The following NR1H4 variants were observed in gnomAD, a reference collection of about 807,000 sequenced individuals.
NR1H4 encodes the protein nuclear receptor subfamily 1 group H member 4.
Under a neutral mutation model 58.5 loss-of-function variants are expected in NR1H4, and 23 were observed. The observed-to-expected ratio is 0.39, with a 90% CI of 0.28 to 0.56. The LOEUF is 0.56. Ranked by LOEUF, NR1H4 falls within the 20% of genes least tolerant of loss-of-function variation. The pLI is 0.58. For synonymous variants in NR1H4, 214 were observed against 198.0 expected, an observed-to-expected ratio of 1.08 and a Z score of -0.68; for missense variants, 487 against 576.9, an observed-to-expected ratio of 0.84 and a Z score of 1.60.
intron 4 of NR1H4, among the ~76,000 whole-genome samples, chr12:100,514,645 A>G (rs1364054952): frequency 1.3e-5 from 2 of 152,154 alleles, no homozygotes; most frequent in African/African-American, 4.8e-5. Context: ...AATCACTGAG[A>G]GAGACTATTC....
At chr12:100,512,822 G>A (rs1251190321) in intron 4 of NR1H4, among the ~76,000 whole-genome samples, 2 of 152,278 alleles carry the variant, frequency 1.3e-5, no homozygotes, top group South Asian at 2.1e-4. Flanking sequence ...GAATCTTTCG[G>A]ATGGTGTGAC....
At chr12:100,561,151 C>G (rs928640119) in intron 9 of NR1H4, among the ~76,000 whole-genome samples, 10 of 151,656 alleles carry the variant, frequency 6.6e-5, no homozygotes, top group Non-Finnish European at 1.5e-4. Flanking sequence ...AATCCCAGCA[C>G]TTTGAGAGGC....
intron 9 of NR1H4, among the ~76,000 whole-genome samples, chr12:100,545,019 C>T (rs923326060): frequency 3.9e-5 from 6 of 152,100 alleles, no homozygotes; most frequent in Non-Finnish European, 1.5e-5. Context: ...CAATGTCTGC[C>T]ATATGAATTG....
intron 3 of NR1H4, among the ~76,000 whole-genome samples, chr12:100,509,257 G>A (rs575730812): frequency 7.9e-5 from 12 of 152,188 alleles, no homozygotes; most frequent in Admixed American, 1.3e-4. Context: ...ACAACACTTT[G>A]AAGAGTCAGA....
At chr12:100,543,799 T>G (rs1954993772) in intron 9 of NR1H4, among the ~76,000 whole-genome samples, 1 of 152,182 alleles carries the variant, frequency 6.6e-6, no homozygotes, top group African/African-American at 2.4e-5. Context: ...AGGCTGAATT[T>G]TCACATGTAT....
chr12:100,476,028 C>G (rs1183516102), intron 1 of NR1H4, among the ~76,000 whole-genome samples: 1 of 152,182 alleles, frequency 6.6e-6, no homozygotes, highest in African/African-American at 2.4e-5. Context: ...GCCACTGCGC[C>G]CAGCCAGGAG....
In NR1H4 at chr12:100,507,942, C is replaced by T. The variant is rs989573737; in HGVS notation, c.80-2836C>T. Among the ~76,000 whole-genome samples, 10 of 151,986 alleles carry T rather than the reference C, an allele frequency of 6.6e-5. No individual in the cohort carries two copies. The South Asian group carries it at 1.9e-3, about 28-fold the overall frequency. On this transcript the variant is annotated intron_variant, in intron 3 of 10. Transcript: ENST00000392986. ...TAGAAAAGCCCTAAATTCTAATGTT[C>T]ATAAACTATTAGTCATATACTTATG...
rs765052784 is a variant in NR1H4 at position 100,483,523 on chromosome 12, A to G, written c.-189-8980A>G. Among the ~76,000 whole-genome samples, 76 of 152,294 alleles carry G rather than the reference A, an allele frequency of 5.0e-4. 2 individuals carry two copies. Among genetic ancestry groups the G allele is most frequent in the Admixed American group, 4.9e-3 (75 of 15,296 alleles). ...TGGCTCGCAGCCATCCTTGTTGGCC[A>G]TATGTTGTCCTTGACGTGTCTCTGG... On this transcript the variant is annotated intron_variant, in intron 1 of 10. Transcript: ENST00000392986.
chr12:100,503,675 C>T (rs920154439), intron 3 of NR1H4, among the ~76,000 whole-genome samples: 2 of 152,064 alleles, frequency 1.3e-5, no homozygotes, highest in East Asian at 1.9e-4. Flanking sequence ...TCTAAACAGA[C>T]GAATATCTTA....
intron 3 of NR1H4, among the ~76,000 whole-genome samples, chr12:100,510,204 G>A (rs1378260648): frequency 2.0e-5 from 3 of 152,104 alleles, no homozygotes; most frequent in African/African-American, 7.2e-5. Context: ...AGAGGTTCAA[G>A]CATATTTCTA....
At chr12:100,530,148 G>C (rs1954657453) in intron 4 of NR1H4, among the ~76,000 whole-genome samples, 1 of 152,172 alleles carries the variant, frequency 6.6e-6, no homozygotes, top group African/African-American at 2.4e-5. Context: ...CTTTCAGATA[G>C]TTGGTACTTA....
intron 9 of NR1H4, among the ~76,000 whole-genome samples, chr12:100,545,145 C>T (rs1955030517): frequency 6.6e-6 from 1 of 152,082 alleles, no homozygotes; most frequent in African/African-American, 2.4e-5. Context: ...AAAATCTTTG[C>T]CTGGCTCCAT....
chr12:100,551,772 G>T (rs1955208116), intron 9 of NR1H4, among the ~76,000 whole-genome samples: 2 of 152,250 alleles, frequency 1.3e-5, no homozygotes, highest in Non-Finnish European at 2.9e-5. Context: ...ACAGAGGATT[G>T]GTTCTAAGAT....
chr12:100,508,549 C>T (rs1389333210), intron 3 of NR1H4, among the ~76,000 whole-genome samples: 1 of 152,068 alleles, frequency 6.6e-6, no homozygotes, highest in East Asian at 1.9e-4. Flanking sequence ...GTCTCATCTA[C>T]TTAGGTAGGT....
intron 9 of NR1H4, among the ~76,000 whole-genome samples, chr12:100,558,733 G>A (rs1036945256): frequency 1.4e-4 from 21 of 152,244 alleles, no homozygotes; most frequent in African/African-American, 5.1e-4. Flanking sequence ...AGCACAACAT[G>A]TACAAAAACT....
chr12:100,509,704 C>T (rs1196942543), intron 3 of NR1H4, among the ~76,000 whole-genome samples: 4 of 152,116 alleles, frequency 2.6e-5, no homozygotes, highest in Admixed American at 2.6e-4. Context: ...AGATTGCAGG[C>T]ACTGTATTCT....
intron 1 of NR1H4, among the ~76,000 whole-genome samples, chr12:100,476,295 C>A (rs1243013394): frequency 5.3e-5 from 8 of 152,064 alleles, no homozygotes; most frequent in Non-Finnish European, 7.4e-5. Flanking sequence ...TTTGTTAAAC[C>A]CAGGAACTAG....
intron 4 of NR1H4, among the ~76,000 whole-genome samples, chr12:100,511,633 AT>A (rs148906581): frequency 0.038 from 5,718 of 152,326 alleles, 357 homozygotes; most frequent in African/African-American, 0.13. Flanking sequence ...TTACAAAAAA[AT>A]ATTTTAACTT....
intron 9 of NR1H4, among the ~76,000 whole-genome samples, chr12:100,550,510 G>A (rs1565780791): frequency 6.6e-6 from 1 of 152,006 alleles, no homozygotes; most frequent in Non-Finnish European, 1.5e-5. Flanking sequence ...GGTTACAGGC[G>A]ACAGGCAACA....
Sources: gnomAD v4.1 joint callset for allele counts (sites outside exome capture counted in the v4.1 genomes callset) on GRCh38, gnomAD v4.1.1 for gene constraint, MANE v1.5 for transcripts, NCBI Gene and HGNC (gene_info 2026-07-23, HGNC 2026-07-21) for gene names.